SLC44A5: variants seen among roughly 807,000 people sequenced by gnomAD.
SLC44A5 encodes the protein choline transporter-like protein 5.
Under a neutral mutation model 101.8 loss-of-function variants are expected in SLC44A5, and 57 were observed. That is an observed-to-expected ratio of 0.56 (90% CI 0.45 to 0.70). SLC44A5 has a LOEUF of 0.70. Among genes scored for constraint, SLC44A5 ranks in the 30% least tolerant of loss-of-function variants. The pLI is 0.00. For synonymous variants in SLC44A5, 281 were observed against 290.9 expected, an observed-to-expected ratio of 0.97 and a Z score of 0.35; for missense variants, 737 against 853.1, an observed-to-expected ratio of 0.86 and a Z score of 1.70.
At chr1:75,682,651 C>T in the SLC44A5 span, among the ~76,000 whole-genome samples, 1 of 151,666 alleles carries the variant, frequency 6.6e-6, no homozygotes, top group Admixed American at 6.6e-5. Flanking sequence ...CCATAAAAAC[C>T]CTAGAAGAAA....
intron 2 of SLC44A5, among the ~76,000 whole-genome samples, chr1:75,537,822 C>G (rs1671139622): frequency 6.6e-6 from 1 of 152,124 alleles, no homozygotes; most frequent in Non-Finnish European, 1.5e-5. Context: ...ATTTATTAAA[C>G]ATTTTCTGGA....
chr1:75,331,754 G>A (rs1041750921), intron 4 of SLC44A5, among the ~76,000 whole-genome samples: 2 of 151,990 alleles, frequency 1.3e-5, no homozygotes, highest in Non-Finnish European at 2.9e-5. Context: ...CACTCACACG[G>A]GCCTCTCTGC....
intron 2 of SLC44A5, among the ~76,000 whole-genome samples, chr1:75,517,428 T>A (rs764849673): frequency 6.6e-6 from 1 of 150,438 alleles, no homozygotes; most frequent in South Asian, 2.1e-4. Context: ...AAAAAGTCAG[T>A]GACAAAAAAA....
At chr1:75,678,727 A>G in the SLC44A5 span, among the ~76,000 whole-genome samples, 1 of 151,952 alleles carries the variant, frequency 6.6e-6, no homozygotes. Flanking sequence ...AAAGGAACGC[A>G]GCTCCTCACC....
At chr1:75,271,497 TTGTGTG>T (rs4035634) in intron 6 of SLC44A5, among the ~76,000 whole-genome samples, 4 of 146,400 alleles carry the variant, frequency 2.7e-5, no homozygotes, top group South Asian at 2.2e-4. Flanking sequence ...TCTGCATGTT[TTGTGTG>T]TGTGTGTGTG....
chr1:75,551,673 T>C (rs1671945625), intron 1 of SLC44A5, among the ~76,000 whole-genome samples: 1 of 152,142 alleles, frequency 6.6e-6, no homozygotes, highest in East Asian at 1.9e-4. Flanking sequence ...GAAAGCTGCA[T>C]ATCAGAACCT....
chr1:75,572,901 T>C (rs911576597), intron 1 of SLC44A5, among the ~76,000 whole-genome samples: 2 of 151,924 alleles, frequency 1.3e-5, no homozygotes, highest in African/African-American at 4.8e-5. Context: ...GGCAGGCAGA[T>C]CGCCTGAGAT....
chr1:75,692,057 T>C, the SLC44A5 span, among the ~76,000 whole-genome samples: 3 of 152,226 alleles, frequency 2.0e-5, no homozygotes, highest in East Asian at 1.9e-4. Flanking sequence ...AACTACAGTG[T>C]TGAATGCCAG....
intron 2 of SLC44A5, among the ~76,000 whole-genome samples, chr1:75,534,879 A>T (rs1002530330): frequency 4.6e-5 from 7 of 152,186 alleles, no homozygotes; most frequent in Non-Finnish European, 8.8e-5. Flanking sequence ...TATAATGACC[A>T]TTCCCTTACT....
At chr1:75,219,990 T>G in intron 14 of SLC44A5, 98 bp from the exon 15 acceptor site, 1 of 631,602 alleles carries the variant, frequency 1.6e-6, no homozygotes, top group Non-Finnish European at 2.6e-6. Flanking sequence ...CACGGACTCT[T>G]TTTTGGTGAT....
intron 1 of SLC44A5, among the ~76,000 whole-genome samples, chr1:75,571,615 T>C (rs1673078618): frequency 6.6e-6 from 1 of 152,198 alleles, no homozygotes; most frequent in Admixed American, 6.5e-5. Flanking sequence ...TTATATGGTG[T>C]TGCCCAACTG....
the SLC44A5 span, among the ~76,000 whole-genome samples, chr1:75,713,663 A>G: frequency 1.5e-4 from 23 of 152,156 alleles, no homozygotes; most frequent in Non-Finnish European, 3.4e-4. Context: ...TAAGATTTAT[A>G]TTGTATCTAT....
Position 75,203,567 on chromosome 1 carries a change from A to G in SLC44A5, c.*160T>C. On this transcript the variant is annotated 3_prime_UTR_variant, in exon 24 of 24. Coordinates refer to ENST00000370859, the MANE Select transcript of SLC44A5 (RefSeq NM_001130058.2). ...CCCTTGCGACTTCTGATGGCTTCAC[A>G]TAGTACAGTATAAGCTTTGGTATAA... 1 of 675,374 alleles carries G rather than the reference A, an allele frequency of 1.5e-6. No individual in the cohort carries two copies. Among genetic ancestry groups the G allele is most frequent in the Non-Finnish European group, 2.2e-6 (1 of 444,554 alleles). The allele number at this position is 675,374 out of a possible 1,614,324, so 41.8% of individuals were successfully genotyped here.
At chr1:75,294,012 A>G (rs564687421) in intron 5 of SLC44A5, among the ~76,000 whole-genome samples, 2 of 152,356 alleles carry the variant, frequency 1.3e-5, no homozygotes, top group Admixed American at 1.3e-4. Context: ...GGTTATAAAT[A>G]CAATGATAAC....
chr1:75,401,566 G>A (rs1662476860), intron 2 of SLC44A5, among the ~76,000 whole-genome samples: 2 of 152,158 alleles, frequency 1.3e-5, no homozygotes, highest in South Asian at 4.1e-4. Context: ...TGGCATCTAT[G>A]AGGAACTGAA....
intron 3 of SLC44A5, among the ~76,000 whole-genome samples, chr1:75,391,831 AG>A (rs1174693501): frequency 3.3e-5 from 5 of 152,178 alleles, no homozygotes; most frequent in African/African-American, 1.2e-4. Context: ...TTTAGAACTA[AG>A]TCCACAAAAG....
At chr1:75,527,134 C>CA (rs796612556) in intron 2 of SLC44A5, among the ~76,000 whole-genome samples, 2,636 of 81,778 alleles carry the variant, frequency 0.032, 97 homozygotes, top group African/African-American at 0.11. Flanking sequence ...GACACTGTCG[C>CA]AAAAAAAAAG....
intron 1 of SLC44A5, among the ~76,000 whole-genome samples, chr1:75,595,637 T>C (rs576064950): frequency 1.3e-5 from 2 of 152,234 alleles, no homozygotes; most frequent in South Asian, 4.1e-4. Context: ...AAATTTCAGC[T>C]CACTGGCTGG....
intron 2 of SLC44A5, among the ~76,000 whole-genome samples, chr1:75,454,010 T>A (rs999798154): frequency 2.6e-5 from 4 of 151,870 alleles, no homozygotes; most frequent in Non-Finnish European, 4.4e-5. Context: ...AACTATCCCA[T>A]AAAATTGAGG....
Sources: allele counts gnomAD v4.1 joint callset (sites outside exome capture counted in the v4.1 genomes callset), GRCh38; gene constraint gnomAD v4.1.1; transcripts MANE v1.5; gene names NCBI Gene and HGNC (gene_info 2026-07-23, HGNC 2026-07-21).